The following RIMS2 variants were observed in gnomAD, a reference collection of about 807,000 sequenced individuals.
RIMS2 encodes regulating synaptic membrane exocytosis protein 2.
A neutral mutation model predicts 174.4 loss-of-function variants in RIMS2; 59 were observed. The ratio of observed to expected loss-of-function variants is 0.34; its 90% CI spans 0.27 to 0.42. RIMS2 has a LOEUF of 0.42. Among genes scored for constraint, RIMS2 ranks in the 10% least tolerant of loss-of-function variants. RIMS2 has a pLI of 1.00. For synonymous variants in RIMS2, 606 were observed against 572.5 expected (o/e 1.06, Z -0.84); for missense variants, 1,620 against 1,666.3 (o/e 0.97, Z 0.48).
At chr8:104,183,571 A>G (rs2098952004) in intron 19 of RIMS2, among the ~76,000 whole-genome samples, 1 of 151,614 alleles carries the variant, frequency 6.6e-6, no homozygotes, top group Non-Finnish European at 1.5e-5. Flanking sequence ...GGGGGGGAAA[A>G]TGAGCATTAT....
intron 19 of RIMS2, among the ~76,000 whole-genome samples, chr8:104,165,967 A>G (rs2098794237): frequency 6.6e-6 from 1 of 151,928 alleles, no homozygotes; most frequent in Non-Finnish European, 1.5e-5. Context: ...CTTAAATTCT[A>G]TTAGGGAAGA....
intron 4 of RIMS2, chr8:103,909,990 C>CTG: frequency 2.5e-6 from 1 of 395,358 alleles, no homozygotes. Flanking sequence ...ATAGCACTCA[C>CTG]TATATATATA....
chr8:104,007,360 T>C (rs2095620971), intron 17 of RIMS2, among the ~76,000 whole-genome samples: 1 of 152,200 alleles, frequency 6.6e-6, no homozygotes, highest in Non-Finnish European at 1.5e-5. Flanking sequence ...ATTACCTTTG[T>C]TCAGAAGTTT....
chr8:103,948,572 C>T (rs1197721611), intron 14 of RIMS2, among the ~76,000 whole-genome samples: 1 of 152,038 alleles, frequency 6.6e-6, no homozygotes, highest in East Asian at 1.9e-4. Flanking sequence ...AAAGATGATA[C>T]ATGCAAAAGG....
At position 103,501,940 on chromosome 8, in the gene RIMS2, G is replaced by A. The variant is rs958135499; in HGVS notation, c.176+878G>A. Among the ~76,000 whole-genome samples, 11 of 152,204 alleles carry A rather than the reference G, an allele frequency of 7.2e-5. No homozygotes were observed. In the East Asian group the frequency reaches 2.1e-3, roughly 29 times the overall value. On this transcript the variant is annotated intron_variant, in intron 1 of 23. Transcript: ENST00000504942. ...AACTGTCCAGACAGGGTTATCTTTA[G>A]CTCTGAGACTACTTTTCTGGTTAGC...
intron 19 of RIMS2, among the ~76,000 whole-genome samples, chr8:104,169,168 A>G (rs2098815828): frequency 6.6e-6 from 1 of 151,494 alleles, no homozygotes; most frequent in African/African-American, 2.4e-5. Flanking sequence ...TACTAGCTTC[A>G]TAGAATGACT....
chr8:103,960,401 T>C (rs1321991765), intron 14 of RIMS2, among the ~76,000 whole-genome samples: 2 of 152,202 alleles, frequency 1.3e-5, no homozygotes, highest in Admixed American at 6.5e-5. Context: ...CCTAGTCTAT[T>C]TCTTAGAAAA....
At chr8:103,991,538 A>G (rs1457953977) in intron 17 of RIMS2, among the ~76,000 whole-genome samples, 2 of 152,064 alleles carry the variant, frequency 1.3e-5, no homozygotes, top group Non-Finnish European at 2.9e-5. Flanking sequence ...TTAGAAGATA[A>G]GAATACTCTA....
intron 19 of RIMS2, among the ~76,000 whole-genome samples, chr8:104,209,012 G>A (rs1043211555): frequency 1.3e-5 from 2 of 152,094 alleles, no homozygotes; most frequent in Admixed American, 1.3e-4. Flanking sequence ...GGCAAAATGG[G>A]GTAATTAGAA....
intron 1 of RIMS2, among the ~76,000 whole-genome samples, chr8:103,518,353 C>A (rs2469977): frequency 1.3e-5 from 2 of 151,604 alleles, no homozygotes; most frequent in Non-Finnish European, 2.9e-5. Context: ...CTAACACTAA[C>A]GATAGCTGAT....
intron 15 of RIMS2, among the ~76,000 whole-genome samples, chr8:103,963,499 T>C (rs1051411967): frequency 4.6e-5 from 7 of 152,228 alleles, no homozygotes; most frequent in Admixed American, 3.3e-4. Context: ...GCAGATGTCT[T>C]GAATATTAAC....
chr8:104,135,613 CAAAAAAAAAAAAAAAA>C (rs35163912), intron 19 of RIMS2, among the ~76,000 whole-genome samples: 1 of 79,652 alleles, frequency 1.3e-5, no homozygotes, highest in East Asian at 3.7e-4. Flanking sequence ...CTCCCAACCT[CAAAAAAAAAAAAAAAA>C]AAAAAAGAAT....
intron 1 of RIMS2, among the ~76,000 whole-genome samples, chr8:103,606,633 T>A (rs2095102783): frequency 6.6e-6 from 1 of 152,104 alleles, no homozygotes; most frequent in Admixed American, 6.5e-5. Flanking sequence ...TGTGTGGGAG[T>A]CTAAGTCTCT....
chr8:103,848,736 C>T (rs140861425), intron 3 of RIMS2, among the ~76,000 whole-genome samples: 7 of 152,066 alleles, frequency 4.6e-5, no homozygotes, highest in East Asian at 1.9e-4. Context: ...GGACCAATTG[C>T]GAATCTCTGG....
At chr8:104,103,000 T>C (rs2097936183) in intron 19 of RIMS2, among the ~76,000 whole-genome samples, 1 of 152,170 alleles carries the variant, frequency 6.6e-6, no homozygotes, top group Non-Finnish European at 1.5e-5. Flanking sequence ...TCTGCTTTGG[T>C]AAATAGGTAA....
chr8:103,960,082 G>T (rs1201292572), intron 14 of RIMS2, among the ~76,000 whole-genome samples: 1 of 152,144 alleles, frequency 6.6e-6, no homozygotes, highest in Non-Finnish European at 1.5e-5. Context: ...TTTTTTAAAA[G>T]ATCGACAAAA....
At chr8:103,874,965 T>C (rs1319749330) in intron 3 of RIMS2, among the ~76,000 whole-genome samples, 1 of 152,044 alleles carries the variant, frequency 6.6e-6, no homozygotes, top group Non-Finnish European at 1.5e-5. Context: ...TTTTTTTGTT[T>C]GTTTGTTTGT....
chr8:103,614,885 C>A (rs1381493036), intron 1 of RIMS2, among the ~76,000 whole-genome samples: 1 of 152,108 alleles, frequency 6.6e-6, no homozygotes, highest in African/African-American at 2.4e-5. Flanking sequence ...ATGTTCACTG[C>A]CCTTTATATG....
intron 8 of RIMS2, 119 bp downstream of exon 11, chr8:103,916,656 C>T (rs1484341503): frequency 5.2e-6 from 4 of 767,626 alleles, no homozygotes; most frequent in South Asian, 2.4e-5. Context: ...TAGACAATAA[C>T]TTTTTCTCTT....
Sources: allele counts gnomAD v4.1 joint callset (sites outside exome capture counted in the v4.1 genomes callset), GRCh38; gene constraint gnomAD v4.1.1; transcripts MANE v1.5; gene names NCBI Gene and HGNC (gene_info 2026-07-23, HGNC 2026-07-21).